RAP1GAP: variants seen among roughly 807,000 people sequenced by gnomAD.
RAP1GAP encodes rap1 GTPase-activating protein 1.
RAP1GAP carries 35 observed loss-of-function variants against 87.2 expected under a neutral mutation model. That is an observed-to-expected ratio of 0.40 (90% CI 0.31 to 0.53). The LOEUF (loss-of-function observed/expected upper bound fraction) is 0.53, where lower values mean the gene tolerates loss of function less well. RAP1GAP is among the 20% of genes least tolerant of loss of function. The probability of loss-of-function intolerance (pLI) is 0.48; values close to 1 mark genes in which losing one functional copy is unlikely to be tolerated. For synonymous variants in RAP1GAP, 375 were observed against 363.9 expected (o/e 1.03, Z -0.35); for missense variants, 734 against 898.9 (o/e 0.82, Z 2.35).
At position 21,624,792 on chromosome 1, in the gene RAP1GAP, G is replaced by A. The variant is rs1027336936; in HGVS notation, c.-19+1512C>T. Among the ~76,000 whole-genome samples the A allele has an allele frequency of 3.9e-5, 6 of 152,126 alleles. No homozygotes were observed. The South Asian group carries it at 6.2e-4, about 16-fold the overall frequency. On this transcript the variant is annotated intron_variant, in intron 3 of 24. Transcript: ENST00000374765. ...AGGGGAGGCAGCTTTTCAATAATCCGAGAAGGCCAACCCCAGGCTGTCTAG... is the reference window on the plus strand; with the variant it reads ...AGGGGAGGCAGCTTTTCAATAATCCAAGAAGGCCAACCCCAGGCTGTCTAG...
intron 2 of RAP1GAP, among the ~76,000 whole-genome samples, chr1:21,646,808 C>T (rs1462772773): frequency 6.6e-6 from 1 of 152,186 alleles, no homozygotes; most frequent in African/African-American, 2.4e-5. Context: ...GTCCCACTGG[C>T]TCCCAACCCT....
At chr1:21,628,066 T>C (rs935732550) in intron 2 of RAP1GAP, among the ~76,000 whole-genome samples, 1 of 152,204 alleles carries the variant, frequency 6.6e-6, no homozygotes, top group Non-Finnish European at 1.5e-5. Context: ...ACATCATTTG[T>C]TCATGGTAAA....
chr1:21,621,288 C>T (rs1355235991), intron 3 of RAP1GAP, among the ~76,000 whole-genome samples: 2 of 152,198 alleles, frequency 1.3e-5, no homozygotes, highest in Non-Finnish European at 2.9e-5. Flanking sequence ...CTCATGGCTA[C>T]AAGCCCTGCC....
Position 21,613,328 on chromosome 1 carries a change from G to T in RAP1GAP, c.475-99C>A. The T allele has an allele frequency of 1.8e-6, 2 of 1,102,680 alleles. No individual in the cohort carries two copies. The highest frequency in any genetic ancestry group is 2.8e-6 in the Non-Finnish European group (2 of 719,966). The allele number at this position is 1,102,680 out of a possible 1,614,324, so 68.3% of individuals were successfully genotyped here. On this transcript the variant is annotated intron_variant, in intron 9 of 24. Transcript: ENST00000374765. The surrounding 1 kb of genome is among the most constrained non-coding windows in gnomAD (Gnocchi z 4.7). ...TGGTCAAGGTCTGGGGAGGAGCCATGCTGGGAATGGCCAAGGCTAAAGCAG... is the reference window on the plus strand; with the variant it reads ...TGGTCAAGGTCTGGGGAGGAGCCATTCTGGGAATGGCCAAGGCTAAAGCAG...
chr1:21,599,378 C>G, intron 21 of RAP1GAP, 116 bp downstream of exon 21: 1 of 1,438,268 alleles, frequency 7.0e-7, no homozygotes, highest in Admixed American at 2.2e-5. Flanking sequence ...TGGGCCGGGT[C>G]CCCTGATCAC....
chr1:21,609,731 T>C lies in RAP1GAP; in HGVS notation c.1000-85A>G. 9.7e-7 allele frequency: 1 copy of C among 1,032,072 alleles called. No individual in the cohort carries two copies. Among genetic ancestry groups the C allele is most frequent in the Non-Finnish European group, 1.4e-6 (1 of 725,826 alleles). The allele number at this position is 1,032,072 out of a possible 1,614,324, so 63.9% of individuals were successfully genotyped here. A position where few individuals can be genotyped will look rare whatever the true frequency, so the allele number is the denominator to read the frequency against. ...GCCAGAAACCCCTACTGTGCCTCCC[T>C]GGACTGCCCCTTGGTCGGGGAGACC... On this transcript the variant is annotated intron_variant, in intron 14 of 24. Coordinates refer to ENST00000374765, the MANE Select transcript of RAP1GAP (RefSeq NM_002885.4). This position sits in a 1 kb window ranked among gnomAD's most constrained non-coding sequence, Gnocchi z 4.4.
intron 2 of RAP1GAP, among the ~76,000 whole-genome samples, chr1:21,647,974 G>A (rs1025574360): frequency 6.6e-6 from 1 of 152,142 alleles, no homozygotes; most frequent in African/African-American, 2.4e-5. Flanking sequence ...AAAAGGAGGT[G>A]GAGACAGCCC....
At position 21,596,699 on chromosome 1, in the gene RAP1GAP, T is replaced by G. The variant is rs1026320130; in HGVS notation, c.*600A>C. ...TGATAGGAGGTCCCTGGGAAGAAAA[T>G]CCTACCTTCTAAGGCAGGTGCATGT... On this transcript the variant is annotated 3_prime_UTR_variant, in exon 25 of 25. Transcript: ENST00000374765. 5 of 152,034 alleles carry G rather than the reference T, an allele frequency of 3.3e-5. No individual in the cohort carries two copies. Among genetic ancestry groups the G allele is most frequent in the African/African-American group, 1.2e-4 (5 of 41,362 alleles). The allele number at this position is 152,034 out of a possible 1,614,324, so 9.4% of individuals were successfully genotyped here.
chr1:21,638,252 G>A (rs2095118502), intron 2 of RAP1GAP, among the ~76,000 whole-genome samples: 1 of 151,948 alleles, frequency 6.6e-6, no homozygotes, highest in East Asian at 1.9e-4. Flanking sequence ...GAGGTCAGGA[G>A]TTTCAGACCA....
intron 1 of RAP1GAP, among the ~76,000 whole-genome samples, chr1:21,654,067 G>C (rs944987817): frequency 1.5e-5 from 2 of 137,000 alleles, no homozygotes; most frequent in Non-Finnish European, 3.1e-5. Context: ...ACCAGCTGCA[G>C]CTGCCTCATT....
chr1:21,604,630 G>A (rs1030510315), intron 18 of RAP1GAP, among the ~76,000 whole-genome samples: 1 of 152,078 alleles, frequency 6.6e-6, no homozygotes, highest in Non-Finnish European at 1.5e-5. Context: ...GATAAAACTG[G>A]GTTGGGGGAG....
At position 21,643,326 on chromosome 1, in the gene RAP1GAP, G is replaced by A. The variant is rs1351368662; in HGVS notation, c.-113+6435C>T. ...TGTAATCCTAGCACCTTGGGAGGCCGAGACGGGCGGATCATGAGGTCAGGA... is the reference window on the plus strand; with the variant it reads ...TGTAATCCTAGCACCTTGGGAGGCCAAGACGGGCGGATCATGAGGTCAGGA... On this transcript the variant is annotated intron_variant, in intron 2 of 24. Coordinates refer to ENST00000374765, the MANE Select transcript of RAP1GAP (RefSeq NM_002885.4). Among the ~76,000 whole-genome samples, 7 of 152,206 alleles carry A rather than the reference G, an allele frequency of 4.6e-5. 1 individual carries two copies. Among genetic ancestry groups the A allele is most frequent in the South Asian group, 2.1e-4 (1 of 4,808 alleles).
rs533015075 is a variant in RAP1GAP at position 21,659,637 on chromosome 1, C to CTGCAAGA, written c.-149+9616_-149+9617insTCTTGCA. 2.1e-3 allele frequency among the ~76,000 whole-genome samples: 315 copies of CTGCAAGA among 152,340 alleles called. 1 individual carries two copies. The highest frequency in any genetic ancestry group is 7.1e-3 in the African/African-American group (297 of 41,584). The stretch of plus-strand genomic sequence containing the variant: ...ATCTCTGTGATCCTGACAACAGCCC[C>CTGCAAGA]GTGAGGCTGATCCTGCAAGAGTTAC... On this transcript the variant is annotated intron_variant, in intron 1 of 24. Transcript: ENST00000374765.
At chr1:21,660,339 C>CCATATATATATATATATATA (rs1553503814) in intron 1 of RAP1GAP, among the ~76,000 whole-genome samples, 6 of 52,848 alleles carry the variant, frequency 1.1e-4, no homozygotes, top group Admixed American at 2.7e-4. Context: ...TCCAACTCAG[C>CCATATATATATATATATATA]TATATATATT....
At chr1:21,620,657 C>T (rs829414) in intron 3 of RAP1GAP, among the ~76,000 whole-genome samples, 116,626 of 152,116 alleles carry the variant, frequency 0.77, 45,450 homozygotes, top group East Asian at 0.97. Context: ...TTGGCAGCCC[C>T]GGCCTCTCCA....
chr1:21,620,089 C>G, intron 3 of RAP1GAP, 39 bp from the exon 4 acceptor site: 1 of 1,611,904 alleles, frequency 6.2e-7, no homozygotes, highest in East Asian at 2.2e-5. Flanking sequence ...CAGCTGATCC[C>G]GCCAAGCCCC....
chr1:21,649,093 C>T (rs567611135), intron 2 of RAP1GAP, among the ~76,000 whole-genome samples: 55 of 152,278 alleles, frequency 3.6e-4, no homozygotes, highest in African/African-American at 1.1e-3. Flanking sequence ...CAGGGAAGCC[C>T]GGAGGCACCT....
chr1:21,629,247 G>C (rs768759035), intron 2 of RAP1GAP, among the ~76,000 whole-genome samples: 104 of 152,274 alleles, frequency 6.8e-4, no homozygotes, highest in Admixed American at 1.0e-3. Context: ...GGAGTGCTGG[G>C]TGCGGCCGTG....
chr1:21,618,556 G>A (rs2083953684), intron 5 of RAP1GAP, among the ~76,000 whole-genome samples: 1 of 152,028 alleles, frequency 6.6e-6, no homozygotes, highest in Non-Finnish European at 1.5e-5. Context: ...GGGCACCCAG[G>A]CCTGCCTCCC....
Sources: allele counts gnomAD v4.1 joint callset (sites outside exome capture counted in the v4.1 genomes callset), GRCh38; gene constraint gnomAD v4.1.1; non-coding constraint Gnocchi (gnomAD v3.1); transcripts MANE v1.5; gene names NCBI Gene and HGNC (gene_info 2026-07-23, HGNC 2026-07-21).